LRRC27: variants seen among roughly 807,000 people sequenced by gnomAD.
LRRC27 encodes the protein leucine-rich repeat-containing protein 27.
LRRC27 carries 57 observed loss-of-function variants against 55.0 expected under a neutral mutation model. That is an observed-to-expected ratio of 1.04 (90% CI 0.84 to 1.29). The LOEUF (loss-of-function observed/expected upper bound fraction) is 1.29. Among genes scored for constraint, LRRC27 ranks in the 50% most tolerant of loss-of-function variants. The pLI is 0.00. For synonymous variants in LRRC27, 278 were observed against 251.9 expected, an observed-to-expected ratio of 1.10 and a Z score of -0.98; for missense variants, 721 against 651.5, an observed-to-expected ratio of 1.11 and a Z score of -1.16.
chr10:132,346,833 ACTT>A (rs1006279449), intron 5 of LRRC27, among the ~76,000 whole-genome samples: 2 of 152,116 alleles, frequency 1.3e-5, no homozygotes, highest in Non-Finnish European at 2.9e-5. Context: ...GAATTTTACA[ACTT>A]CTTAGGACGT....
chr10:132,344,650 G>A lies in LRRC27; in HGVS notation c.553G>A (p.Glu185Lys). 1 of 1,613,434 alleles carries A rather than the reference G, an allele frequency of 6.2e-7. No homozygotes were observed. Among genetic ancestry groups the A allele is most frequent in the Non-Finnish European group, 8.5e-7 (1 of 1,179,470 alleles). The change falls in exon 5 of 11, where the codon GAG becomes AAG. Residue 185 changes from glutamate (E) to lysine (K), a missense_variant and splice_region_variant. By Grantham distance (56) the Glu-to-Lys change is moderately conservative. Coordinates refer to ENST00000368614, the MANE Select transcript of LRRC27 (RefSeq NM_030626.3). ...HSLPRNPTSQ[E>K]APPVREMTLR... is the part of the protein sequence containing the mutation. ...TCTCCCCAGAAATCCAACTTCTCAA[G>A]GTTTGTAGGAGGTGATTTATGACAA...
chr10:132,353,875 G>A (rs905595249), intron 7 of LRRC27, among the ~76,000 whole-genome samples: 1 of 152,234 alleles, frequency 6.6e-6, no homozygotes, highest in Non-Finnish European at 1.5e-5. Flanking sequence ...CCCTCACTGT[G>A]TGCCTCAGCA....
intron 8 of LRRC27, among the ~76,000 whole-genome samples, chr10:132,356,727 G>C (rs901137049): frequency 1.3e-5 from 2 of 152,288 alleles, no homozygotes; most frequent in African/African-American, 4.8e-5. Flanking sequence ...GCCGGGCACA[G>C]GGCAGTGGGC....
intron 5 of LRRC27, among the ~76,000 whole-genome samples, chr10:132,345,622 C>T (rs578010511): frequency 2.3e-4 from 35 of 152,128 alleles, no homozygotes; most frequent in Non-Finnish European, 4.0e-4. Context: ...GAAAAGTAGC[C>T]GCTGGACTGG....
intron 10 of LRRC27, among the ~76,000 whole-genome samples, chr10:132,369,775 C>G (rs1034731740): frequency 1.3e-5 from 2 of 152,156 alleles, no homozygotes; most frequent in African/African-American, 4.8e-5. Context: ...GAAGGCTGCT[C>G]TAGAAAAATC....
chr10:132,375,693 AAG>A lies in LRRC27; in HGVS notation c.*452_*453del, dbSNP rs2069328882. ...CTAGGAGGGAGGGGTGACAGCCAAAAAGGGCTTCGGGGGAGTGGTTACCCTGC... is the reference window on the plus strand; with the variant it reads ...CTAGGAGGGAGGGGTGACAGCCAAAAGGCTTCGGGGGAGTGGTTACCCTGC... On this transcript the variant is annotated 3_prime_UTR_variant, in exon 11 of 11. Transcript: ENST00000368614. 1 of 153,848 alleles carries A rather than the reference AAG, an allele frequency of 6.5e-6. No individual in the cohort carries two copies. Among genetic ancestry groups the A allele is most frequent in the South Asian group, 2.0e-4 (1 of 4,946 alleles). The allele number at this position is 153,848 out of a possible 1,614,324, so 9.5% of individuals were successfully genotyped here.
Position 132,377,795 on chromosome 10 carries a change from AC to A in LRRC27, c.*2554del, listed in dbSNP as rs1391250415. On this transcript the variant is annotated 3_prime_UTR_variant, in exon 11 of 11. Transcript: ENST00000368614. ...TAAATTTAGTTCGCCTTTATTCTGC[AC>A]AGGACAGAATTCTAGGTGGATGATT... 1 of 152,146 alleles carries A rather than the reference AC, an allele frequency of 6.6e-6. No individual in the cohort carries two copies. Among genetic ancestry groups the A allele is most frequent in the Admixed American group, 6.5e-5 (1 of 15,276 alleles). 9.4% of individuals were successfully genotyped at this position (152,146 alleles called of 1,614,324 possible). A position where few individuals can be genotyped will look rare whatever the true frequency, so the allele number is the denominator to read the frequency against.
intron 9 of LRRC27, 23 bp from the exon 10 acceptor site, chr10:132,365,401 C>T (rs746850873): frequency 5.6e-6 from 9 of 1,612,612 alleles, no homozygotes; most frequent in African/African-American, 1.3e-5. Context: ...AAGTCATTTC[C>T]CTCTTTGCCC....
Position 132,348,023 on chromosome 10 carries a change from C to A in LRRC27, c.593C>A (p.Pro198Gln). Reference sequence around the variant, plus strand: ...AGAGAGATGACCCTCCGTGACCTCCCGAGCCCAGGACTGGAGTTGTCTGGA... The same window carrying A: ...AGAGAGATGACCCTCCGTGACCTCCAGAGCCCAGGACTGGAGTTGTCTGGA... ...PVREMTLRDL[P>Q]SPGLELSGDH... Residue 198 changes from proline (P) to glutamine (Q), a missense_variant, in exon 6 of 11, where the codon CCG becomes CAG. By Grantham distance (76) the Pro-to-Gln change is moderately conservative. Coordinates refer to ENST00000368614, the MANE Select transcript of LRRC27 (RefSeq NM_030626.3). The surrounding 1 kb of genome is among the most constrained non-coding windows in gnomAD (Gnocchi z 4.2). 1 of 1,612,806 alleles carries A rather than the reference C, an allele frequency of 6.2e-7. No homozygotes were observed. Among genetic ancestry groups the A allele is most frequent in the Non-Finnish European group, 8.5e-7 (1 of 1,179,666 alleles).
chr10:132,334,760 C>T (rs1189925309), intron 2 of LRRC27, among the ~76,000 whole-genome samples: 1 of 152,156 alleles, frequency 6.6e-6, no homozygotes, highest in African/African-American at 2.4e-5. Context: ...GAACAGATAT[C>T]CTCAGCCCTG....
intron 7 of LRRC27, 38 bp downstream of exon 7, chr10:132,351,791 C>T (rs2068026795): frequency 1.3e-6 from 2 of 1,569,270 alleles, no homozygotes; most frequent in African/African-American, 2.7e-5. Context: ...ACAGCCCGCC[C>T]AGTGCACCCG....
At position 132,351,621 on chromosome 10, in the gene LRRC27, C is replaced by T. The variant is rs753215645; in HGVS notation, c.941C>T (p.Ser314Phe). 1.2e-6 allele frequency: 2 copies of T among 1,613,652 alleles called. No homozygotes were observed. Among genetic ancestry groups the T allele is most frequent in the East Asian group, 2.2e-5 (1 of 44,878 alleles). ...PRHVFRRKTA[S>F]SRSILPDLLS... ...TGTAATTTTAGAAGGAAGACAGCCT[C>T]CTCCAGGAGCATCTTACCCGACCTC... Residue 314 changes from serine (S) to phenylalanine (F), a missense_variant, in exon 7 of 11, where the codon TCC (serine) becomes TTC (phenylalanine). Physicochemically the swap from Ser to Phe is radical, Grantham distance 155. Coordinates refer to ENST00000368614, the MANE Select transcript of LRRC27 (RefSeq NM_030626.3).
At chr10:132,330,207 C>T (rs1289236503), upstream of LRRC27, 4 of 521,648 alleles carry the variant, frequency 7.7e-6, no homozygotes, top group Non-Finnish European at 1.4e-5. Context: ...CAATTAACTA[C>T]TGACTACAAA....
chr10:132,342,597 T>G (rs2138677080), intron 4 of LRRC27, among the ~76,000 whole-genome samples: 1 of 152,330 alleles, frequency 6.6e-6, no homozygotes, highest in East Asian at 1.9e-4. Context: ...CTGGCCTTCC[T>G]GGGAAGTTTT....
At chr10:132,352,923 C>G in intron 7 of LRRC27, 1 of 1,613,924 alleles carries the variant, frequency 6.2e-7, no homozygotes, top group Non-Finnish European at 8.5e-7. Flanking sequence ...CAGGCCCTGA[C>G]ACGGTCATCA....
Position 132,351,631 on chromosome 10 carries a change from C to T in LRRC27, c.951C>T (p.Ser317=), listed in dbSNP as rs777323248. ...VFRRKTASSR[S]ILPDLLSPYQ... is the part of the protein sequence containing the mutation. ...GAAGGAAGACAGCCTCCTCCAGGAG[C>T]ATCTTACCCGACCTCTTGTCACCGT... The change falls in exon 7 of 11, where the codon AGC becomes AGT. Residue 317 remains serine (S), a synonymous_variant. Coordinates refer to ENST00000368614, the MANE Select transcript of LRRC27 (RefSeq NM_030626.3). 6.2e-7 allele frequency: 1 copy of T among 1,614,040 alleles called. No individual in the cohort carries two copies.
rs187362641 is a variant in LRRC27, at chr10:132,333,875, C to T, written c.210+141C>T. 618 of 666,500 alleles carry T rather than the reference C, an allele frequency of 9.3e-4. 11 individuals carry two copies. The East Asian group carries it at 0.015, about 17-fold the overall frequency. The allele number at this position is 666,500 out of a possible 1,614,324, so 41.3% of individuals were successfully genotyped here. On this transcript the variant is annotated intron_variant, in intron 2 of 10. Coordinates refer to ENST00000368614, the MANE Select transcript of LRRC27 (RefSeq NM_030626.3). ...AAATTAAATAGAGGAAAGGTTAACT[C>T]ATAGTTTCATACGCCAATCACAACA... is the stretch of plus-strand genomic sequence containing the variant.
At chr10:132,340,035 T>G (rs2067328920) in intron 3 of LRRC27, among the ~76,000 whole-genome samples, 1 of 152,200 alleles carries the variant, frequency 6.6e-6, no homozygotes, top group African/African-American at 2.4e-5. Flanking sequence ...AAAACATAAT[T>G]AAAACAGTGA....
At chr10:132,349,651 T>C (rs2067910461) in intron 6 of LRRC27, among the ~76,000 whole-genome samples, 1 of 152,242 alleles carries the variant, frequency 6.6e-6, no homozygotes, top group Non-Finnish European at 1.5e-5. Context: ...TGTGGTATGC[T>C]TATTAATCGT....
Sources: gnomAD v4.1 joint callset for allele counts (sites outside exome capture counted in the v4.1 genomes callset) on GRCh38, gnomAD v4.1.1 for gene constraint, Gnocchi (gnomAD v3.1) non-coding constraint, MANE v1.5 for transcripts, NCBI Gene and HGNC (gene_info 2026-07-23, HGNC 2026-07-21) for gene names.